Variants in SLC30A8 observed in about 807,000 individuals in gnomAD.
The protein encoded by SLC30A8 is solute carrier family 30 member 8, also known as proton-coupled zinc antiporter SLC30A8.
SLC30A8 carries 27 observed loss-of-function variants against 36.9 expected under a neutral mutation model. The observed-to-expected ratio is 0.73, with a 90% confidence interval of 0.54 to 1.01. The LOEUF (loss-of-function observed/expected upper bound fraction) is 1.01, where lower values mean the gene tolerates loss of function less well. Among genes scored for constraint, SLC30A8 ranks in the 50% least tolerant of loss-of-function variants. SLC30A8 has a pLI of 0.00. For missense variants in SLC30A8, 439 were observed against 452.0 expected (o/e 0.97, Z 0.26); for synonymous variants, 164 against 172.4 (o/e 0.95, Z 0.38).
chr8:116,987,695 T>C (rs909057460), intron 1 of SLC30A8, among the ~76,000 whole-genome samples: 3 of 152,090 alleles, frequency 2.0e-5, no homozygotes, highest in Non-Finnish European at 2.9e-5. Flanking sequence ...ATTATTACTT[T>C]TTTATTTTTT....
intron 2 of SLC30A8, among the ~76,000 whole-genome samples, chr8:117,148,746 C>A (rs950849856): frequency 6.6e-6 from 1 of 152,118 alleles, no homozygotes; most frequent in Admixed American, 6.5e-5. Context: ...ACATGGACAG[C>A]CTATTTCTTG....
chr8:117,127,450 G>A (rs1352423121), intron 2 of SLC30A8, among the ~76,000 whole-genome samples: 1 of 151,852 alleles, frequency 6.6e-6, no homozygotes, highest in African/African-American at 2.4e-5. Context: ...ATTGCCCTTA[G>A]GTTGTTGGAA....
upstream of SLC30A8, among the ~76,000 whole-genome samples, chr8:117,132,772 A>G (rs1330430472): frequency 6.6e-6 from 1 of 152,052 alleles, no homozygotes; most frequent in Admixed American, 6.6e-5. Flanking sequence ...ATGACGGTGC[A>G]GTTAAAATGA....
chr8:117,122,111 C>G (rs1268018713), intron 2 of SLC30A8, among the ~76,000 whole-genome samples: 2 of 151,868 alleles, frequency 1.3e-5, no homozygotes, highest in African/African-American at 4.8e-5. Flanking sequence ...GGTGTTTATA[C>G]TTAAGCTAAT....
chr8:117,094,809 C>T (rs920429648), intron 2 of SLC30A8, among the ~76,000 whole-genome samples: 2 of 152,212 alleles, frequency 1.3e-5, no homozygotes, highest in Non-Finnish European at 2.9e-5. Context: ...CCATGGGGCA[C>T]CTGCAGGTGA....
At chr8:117,125,334 G>A (rs569388612) in intron 2 of SLC30A8, among the ~76,000 whole-genome samples, 39 of 152,062 alleles carry the variant, frequency 2.6e-4, no homozygotes, top group Non-Finnish European at 4.9e-4. Flanking sequence ...CATGAGCCCA[G>A]ATTTGTGTGA....
chr8:117,108,165 T>C lies in SLC30A8; in HGVS notation c.-225-27115T>C, dbSNP rs562591637. ...ACATGTAAGATAATTATCAGCAAGA[T>C]AAATACAATATCAGACTCTTCCTAA... On this transcript the variant is annotated intron_variant, in intron 2 of 10. Transcript: ENST00000427715. Among the ~76,000 whole-genome samples, 4 of 152,322 alleles carry C rather than the reference T, an allele frequency of 2.6e-5. No homozygotes were observed. The East Asian group carries it at 7.7e-4, about 29-fold the overall frequency.
chr8:116,951,926 C>T (rs143365627), intron 1 of SLC30A8, among the ~76,000 whole-genome samples: 152 of 151,896 alleles, frequency 1.0e-3, no homozygotes, highest in East Asian at 7.5e-3. Context: ...ACAGATAATT[C>T]AATAAGATAT....
Position 117,017,431 on chromosome 8 carries a change from A to G in SLC30A8, c.-265-21788A>G, listed in dbSNP as rs185826448. 1.8e-4 allele frequency among the ~76,000 whole-genome samples: 27 copies of G among 152,244 alleles called. 1 individual carries two copies. Among genetic ancestry groups the G allele is most frequent in the African/African-American group, 6.3e-4 (26 of 41,542 alleles). ...AGTTGCAACAGCATTTCATTTCTGTATTTTCTATGTTTGTAGTGCTTTCTC... is the reference window on the plus strand; with the variant it reads ...AGTTGCAACAGCATTTCATTTCTGTGTTTTCTATGTTTGTAGTGCTTTCTC... On this transcript the variant is annotated intron_variant, in intron 1 of 10. Transcript: ENST00000427715.
rs956956423 is a variant in SLC30A8, at chr8:117,150,613, A to AT, written c.272-2321dup. 1.0e-3 allele frequency among the ~76,000 whole-genome samples: 155 copies of AT among 150,784 alleles called. 1 individual carries two copies. Among genetic ancestry groups the AT allele is most frequent in the African/African-American group, 3.4e-3 (138 of 41,098 alleles). On this transcript the variant is annotated intron_variant, in intron 2 of 7. Transcript: ENST00000456015. Reference sequence around the variant, plus strand: ...AACACTATCGAGACTTTAAAAGAAAATTTTTTTTTTGAGACGGGGTCTCGT... The same window carrying AT: ...AACACTATCGAGACTTTAAAAGAAAATTTTTTTTTTTGAGACGGGGTCTCGT...
intron 1 of SLC30A8, among the ~76,000 whole-genome samples, 180 bp downstream of exon 1, chr8:117,135,578 G>A (rs373111699): frequency 5.3e-5 from 8 of 152,004 alleles, no homozygotes; most frequent in African/African-American, 1.9e-4. Context: ...TTATATAGTT[G>A]ATTTGATTCC....
At chr8:117,118,503 C>T (rs1479413364) in intron 2 of SLC30A8, among the ~76,000 whole-genome samples, 1 of 151,834 alleles carries the variant, frequency 6.6e-6, no homozygotes, top group Admixed American at 6.6e-5. Context: ...TTTAAGTGAA[C>T]TAATCTAAAT....
At chr8:117,134,319 C>G (rs12678848), upstream of SLC30A8, among the ~76,000 whole-genome samples, 8,706 of 152,096 alleles carry the variant, frequency 0.057, 295 homozygotes, top group East Asian at 0.13. Context: ...GCACAACCCC[C>G]TCTTTCTCTA....
chr8:117,115,588 T>A (rs1339959740), intron 2 of SLC30A8, among the ~76,000 whole-genome samples: 5 of 152,134 alleles, frequency 3.3e-5, no homozygotes, highest in Non-Finnish European at 7.4e-5. Flanking sequence ...AAACACATGT[T>A]TTTTCCTCAG....
intron 2 of SLC30A8, among the ~76,000 whole-genome samples, chr8:117,116,918 T>G (rs2130890590): frequency 6.6e-6 from 1 of 152,174 alleles, no homozygotes; most frequent in African/African-American, 2.4e-5. Flanking sequence ...AGAGCCCTTC[T>G]TAGAAGTCCT....
intron 1 of SLC30A8, among the ~76,000 whole-genome samples, chr8:117,000,951 G>C (rs1453908487): frequency 6.6e-6 from 1 of 152,128 alleles, no homozygotes; most frequent in African/African-American, 2.4e-5. Flanking sequence ...ATAAACATTA[G>C]ATAATGTAGA....
chr8:117,157,524 T>C (rs1210682659), intron 3 of SLC30A8, among the ~76,000 whole-genome samples, 167 bp from the exon 4 acceptor site: 2 of 152,224 alleles, frequency 1.3e-5, no homozygotes, highest in African/African-American at 4.8e-5. Context: ...TAAAATACTT[T>C]CTCTTAGTTT....
At chr8:117,091,452 G>T (rs762423397) in intron 2 of SLC30A8, among the ~76,000 whole-genome samples, 16 of 152,046 alleles carry the variant, frequency 1.1e-4, no homozygotes, top group Non-Finnish European at 1.9e-4. Context: ...AGGAAGAAAA[G>T]CTTGATCTCC....
In SLC30A8 at chr8:117,002,926, A is replaced by C. The variant is rs867178053; in HGVS notation, c.-265-36293A>C. On this transcript the variant is annotated intron_variant, in intron 1 of 10. Coordinates refer to the SLC30A8 transcript ENST00000427715. Reference sequence around the variant, plus strand: ...CCAAAAGATGTTATTTTTTTTTAGCATCCATTCGTTGTGAATTTCAATATT... The same window carrying C: ...CCAAAAGATGTTATTTTTTTTTAGCCTCCATTCGTTGTGAATTTCAATATT... Among the ~76,000 whole-genome samples, 5 of 152,180 alleles carry C rather than the reference A, an allele frequency of 3.3e-5. No individual in the cohort carries two copies. In the Middle Eastern group the frequency reaches 0.014, roughly 414 times the overall value.
Sources: gnomAD v4.1 joint callset for allele counts (sites outside exome capture counted in the v4.1 genomes callset) on GRCh38, gnomAD v4.1.1 for gene constraint, MANE v1.5 for transcripts, NCBI Gene and HGNC (gene_info 2026-07-23, HGNC 2026-07-21) for gene names.